CNTN3: variants seen among roughly 807,000 people sequenced by gnomAD.
CNTN3 encodes the protein contactin 3.
CNTN3 carries 60 observed loss-of-function variants against 119.1 expected under a neutral mutation model. That is an observed-to-expected ratio of 0.50 (90% CI 0.41 to 0.62). The LOEUF is 0.62. Among genes scored for constraint, CNTN3 ranks in the 20% least tolerant of loss-of-function variants. The pLI is 0.00. For missense variants in CNTN3, 1,101 were observed against 1,242.4 expected (o/e 0.89, Z 1.71); for synonymous variants, 450 against 438.7 (o/e 1.03, Z -0.32).
intron 2 of CNTN3, among the ~76,000 whole-genome samples, chr3:74,507,323 T>C (rs6795185): frequency 0.78 from 117,648 of 151,504 alleles, 45,861 homozygotes; most frequent in Non-Finnish European, 0.8. Context: ...GAGGCTGAGA[T>C]GGGAGGATCA....
chr3:74,452,166 T>C (rs1702170998), intron 4 of CNTN3, among the ~76,000 whole-genome samples: 1 of 142,146 alleles, frequency 7.0e-6, no homozygotes, highest in Non-Finnish European at 1.5e-5. Flanking sequence ...GTTCTTCCAT[T>C]TGTTTGTATC....
chr3:74,417,127 T>C (rs1049861281), intron 5 of CNTN3, among the ~76,000 whole-genome samples: 2 of 152,214 alleles, frequency 1.3e-5, no homozygotes, highest in Non-Finnish European at 2.9e-5. Context: ...CTTGAAGTTC[T>C]GTTAGGAGCA....
intron 1 of CNTN3, among the ~76,000 whole-genome samples, chr3:74,536,375 G>A (rs1007998999): frequency 2.5e-4 from 38 of 152,072 alleles, no homozygotes; most frequent in African/African-American, 8.4e-4. Context: ...GTAACTACTA[G>A]CAGGAAAAGT....
At chr3:74,499,964 C>T (rs1703135629) in intron 2 of CNTN3, among the ~76,000 whole-genome samples, 179 bp from the exon 3 acceptor site, 1 of 152,036 alleles carries the variant, frequency 6.6e-6, no homozygotes, top group Non-Finnish European at 1.5e-5. Context: ...CACTCAACAG[C>T]ATAGTACCAC....
At chr3:74,480,668 T>C (rs1019402909) in intron 4 of CNTN3, among the ~76,000 whole-genome samples, 16 of 149,038 alleles carry the variant, frequency 1.1e-4, no homozygotes, top group Non-Finnish European at 1.5e-4. Flanking sequence ...TATAGATGTT[T>C]GTACATGCTC....
chr3:74,299,871 C>A lies in CNTN3; in HGVS notation c.2163G>T (p.Trp721Cys). 6.2e-7 allele frequency: 1 copy of A among 1,606,624 alleles called. No individual in the cohort carries two copies. Among genetic ancestry groups the A allele is most frequent in the Non-Finnish European group, 8.5e-7 (1 of 1,176,710 alleles). The change falls in exon 17 of 23, where the codon TGG (tryptophan) becomes TGT (cysteine). Residue 721 changes from tryptophan to cysteine, a missense_variant. Physicochemically the swap from Trp to Cys is radical, Grantham distance 215. Transcript: ENST00000263665. The part of the protein sequence containing the change: ...GGSRSELVIT[W>C]DPVPEELQNG... ...AAGATGCTGCCCAAACACTTACATC[C>A]CAGGTTATCACAAGTTCAGACCGGC...
chr3:74,274,423 G>A (rs1701841215), intron 20 of CNTN3, among the ~76,000 whole-genome samples: 1 of 152,074 alleles, frequency 6.6e-6, no homozygotes, highest in South Asian at 2.1e-4. Flanking sequence ...CACCTCCACT[G>A]GAACAGGTGC....
chr3:74,426,561 ATAG>A (rs1701699098), intron 4 of CNTN3, among the ~76,000 whole-genome samples: 1 of 152,222 alleles, frequency 6.6e-6, no homozygotes, highest in Non-Finnish European at 1.5e-5. Flanking sequence ...TTACTGAAAA[ATAG>A]TATTAAATTG....
intron 13 of CNTN3, among the ~76,000 whole-genome samples, chr3:74,315,421 A>G (rs1702805482): frequency 6.6e-6 from 1 of 152,124 alleles, no homozygotes; most frequent in Admixed American, 6.6e-5. Context: ...TTTCTTGCAC[A>G]AGAATTAAGA....
At chr3:74,346,777 C>CCATG (rs1199325751) in intron 11 of CNTN3, among the ~76,000 whole-genome samples, 2 of 151,886 alleles carry the variant, frequency 1.3e-5, no homozygotes, top group Non-Finnish European at 2.9e-5. Flanking sequence ...ATCCATCCAT[C>CCATG]CATCCATCCA....
At chr3:74,603,625 CTT>C (rs968763726) in intron 1 of CNTN3, among the ~76,000 whole-genome samples, 1 of 151,984 alleles carries the variant, frequency 6.6e-6, no homozygotes, top group Admixed American at 6.6e-5. Flanking sequence ...CAGTTACTTA[CTT>C]TTTTTAAGTA....
chr3:74,486,030 T>C (rs917463313), intron 4 of CNTN3, among the ~76,000 whole-genome samples: 3 of 152,204 alleles, frequency 2.0e-5, no homozygotes, highest in African/African-American at 7.2e-5. Flanking sequence ...TATTTTCAGG[T>C]TTGTCAGATG....
At chr3:74,569,442 T>C (rs969166987) in intron 1 of CNTN3, among the ~76,000 whole-genome samples, 9 of 152,184 alleles carry the variant, frequency 5.9e-5, no homozygotes, top group Non-Finnish European at 1.3e-4. Context: ...CCTCAGCAGC[T>C]GTTCTTACTG....
rs551751985 is a variant in CNTN3 at position 74,497,149 on chromosome 3, G to A, written c.182+2510C>T. 9.2e-5 allele frequency among the ~76,000 whole-genome samples: 14 copies of A among 151,938 alleles called. No homozygotes were observed. The East Asian group carries it at 2.7e-3, about 29-fold the overall frequency. On this transcript the variant is annotated intron_variant, in intron 3 of 22. Coordinates refer to ENST00000263665, the MANE Select transcript of CNTN3 (RefSeq NM_020872.3). ...TAAAAAATACTTTTTCTGACTTCAT[G>A]TAAAAAGATCCACCATATTCTTCCT...
chr3:74,367,616 G>C (rs1369068417), intron 8 of CNTN3, among the ~76,000 whole-genome samples: 1 of 151,766 alleles, frequency 6.6e-6, no homozygotes, highest in Non-Finnish European at 1.5e-5. Flanking sequence ...CAGCCATTTT[G>C]TGATCATAAT....
At chr3:74,604,211 A>G (rs982522371) in intron 1 of CNTN3, among the ~76,000 whole-genome samples, 2 of 152,196 alleles carry the variant, frequency 1.3e-5, no homozygotes, top group South Asian at 2.1e-4. Flanking sequence ...TAAAACTACT[A>G]GAAGGAAGCA....
chr3:74,553,388 A>G (rs964479219), intron 1 of CNTN3, among the ~76,000 whole-genome samples: 4 of 152,226 alleles, frequency 2.6e-5, no homozygotes, highest in African/African-American at 9.6e-5. Context: ...TAGTGCTGCA[A>G]TAAACATACG....
chr3:74,442,897 A>T (rs1701990474), intron 4 of CNTN3, among the ~76,000 whole-genome samples: 2 of 152,206 alleles, frequency 1.3e-5, no homozygotes, highest in Non-Finnish European at 2.9e-5. Context: ...TCACACAGTA[A>T]GTGACAGATC....
intron 4 of CNTN3, among the ~76,000 whole-genome samples, chr3:74,462,726 T>C (rs1382099497): frequency 6.6e-6 from 1 of 152,152 alleles, no homozygotes; most frequent in African/African-American, 2.4e-5. Context: ...TCCTTTTCAA[T>C]GGTTATATCC....
Sources: allele counts gnomAD v4.1 joint callset (sites outside exome capture counted in the v4.1 genomes callset), GRCh38; gene constraint gnomAD v4.1.1; transcripts MANE v1.5; gene names NCBI Gene and HGNC (gene_info 2026-07-23, HGNC 2026-07-21).